NUFIP1: variants seen among roughly 807,000 people sequenced by gnomAD.
NUFIP1 encodes nuclear FMR1 interacting protein 1, also known as FMR1-interacting protein NUFIP1.
NUFIP1 carries 38 observed loss-of-function variants against 56.2 expected under a neutral mutation model. The ratio of observed to expected loss-of-function variants is 0.68; its 90% CI spans 0.52 to 0.89. The LOEUF is 0.89. Among genes scored for constraint, NUFIP1 ranks in the 40% least tolerant of loss-of-function variants. NUFIP1 has a pLI of 0.00. For missense variants in NUFIP1, 567 were observed against 605.8 expected, an observed-to-expected ratio of 0.94 and a Z score of 0.67; for synonymous variants, 215 against 212.4, an observed-to-expected ratio of 1.01 and a Z score of -0.10.
chr13:44,966,559 C>G (rs1451746406), intron 5 of NUFIP1, among the ~76,000 whole-genome samples: 2 of 152,062 alleles, frequency 1.3e-5, no homozygotes, highest in Admixed American at 1.3e-4. Flanking sequence ...AGGTGACCCA[C>G]CTGCCTCAGC....
intron 5 of NUFIP1, among the ~76,000 whole-genome samples, 170 bp downstream of exon 5, chr13:44,979,020 G>A (rs1382205847): frequency 1.3e-5 from 2 of 152,144 alleles, no homozygotes; most frequent in African/African-American, 2.4e-5. Flanking sequence ...CTTAAATGAA[G>A]AGTTCTTATT....
intron 5 of NUFIP1, among the ~76,000 whole-genome samples, chr13:44,968,935 T>C (rs1168020618): frequency 2.0e-5 from 3 of 152,074 alleles, no homozygotes; most frequent in Non-Finnish European, 4.4e-5. Context: ...AGAAACTCCT[T>C]TGATGGAAGC....
chr13:44,980,526 T>A (rs932761252), intron 3 of NUFIP1, among the ~76,000 whole-genome samples, 196 bp downstream of exon 3: 4 of 152,200 alleles, frequency 2.6e-5, no homozygotes, highest in African/African-American at 9.7e-5. Flanking sequence ...TTTGCTACCA[T>A]CTTACCTCGT....
At chr13:44,943,097 T>C (rs1593355608) in intron 9 of NUFIP1, among the ~76,000 whole-genome samples, 1 of 152,164 alleles carries the variant, frequency 6.6e-6, no homozygotes, top group Non-Finnish European at 1.5e-5. Context: ...AATAGACATT[T>C]GTACTAAAAA....
At chr13:44,952,439 A>C (rs560514449) in intron 7 of NUFIP1, among the ~76,000 whole-genome samples, 4 of 152,180 alleles carry the variant, frequency 2.6e-5, no homozygotes, top group Non-Finnish European at 5.9e-5. Flanking sequence ...CATTTTCTAT[A>C]TTACTTTTAT....
At chr13:44,982,382 T>C (rs910994542) in intron 1 of NUFIP1, among the ~76,000 whole-genome samples, 1 of 152,194 alleles carries the variant, frequency 6.6e-6, no homozygotes, top group East Asian at 1.9e-4. Context: ...ACAGAAACTT[T>C]AGGCGTCAAA....
chr13:44,954,319 G>A (rs777728518), intron 7 of NUFIP1, among the ~76,000 whole-genome samples: 2 of 151,946 alleles, frequency 1.3e-5, no homozygotes, highest in Non-Finnish European at 1.5e-5. Context: ...CACCTCTCTC[G>A]TATACACACA....
At chr13:44,966,432 A>G (rs1871604316) in intron 5 of NUFIP1, among the ~76,000 whole-genome samples, 2 of 152,120 alleles carry the variant, frequency 1.3e-5, no homozygotes, top group South Asian at 4.2e-4. Flanking sequence ...CTCCTGCCTC[A>G]GCCTCCCAAG....
chr13:44,966,968 C>T (rs1593365051), intron 5 of NUFIP1, among the ~76,000 whole-genome samples: 1 of 149,858 alleles, frequency 6.7e-6, no homozygotes, highest in East Asian at 2.0e-4. Flanking sequence ...GCAAGACTCC[C>T]CCTCAAAACA....
At chr13:44,985,190 T>C (rs1872339376) in intron 1 of NUFIP1, among the ~76,000 whole-genome samples, 1 of 152,234 alleles carries the variant, frequency 6.6e-6, no homozygotes, top group African/African-American at 2.4e-5. Context: ...AGTAGACTAA[T>C]AGCTAAAAGC....
chr13:44,974,613 G>A (rs1199396177), intron 5 of NUFIP1, among the ~76,000 whole-genome samples: 3 of 152,136 alleles, frequency 2.0e-5, no homozygotes, highest in Non-Finnish European at 4.4e-5. Flanking sequence ...GCGCAGTGGC[G>A]TAATCACAGC....
chr13:44,956,301 C>A, intron 7 of NUFIP1, among the ~76,000 whole-genome samples: 1 of 151,962 alleles, frequency 6.6e-6, no homozygotes, highest in Non-Finnish European at 1.5e-5. Flanking sequence ...TTGTCTGTAG[C>A]TATACCTGCA....
At chr13:44,963,260 C>G (rs952817043) in intron 6 of NUFIP1, among the ~76,000 whole-genome samples, 1 of 152,112 alleles carries the variant, frequency 6.6e-6, no homozygotes, top group Non-Finnish European at 1.5e-5. Context: ...TAGAATCTTG[C>G]ACATCTTTTG....
chr13:44,979,397 T>G, intron 4 of NUFIP1, 131 bp from the exon 5 acceptor site: 1 of 646,272 alleles, frequency 1.5e-6, no homozygotes, highest in Non-Finnish European at 2.6e-6. Flanking sequence ...TTGTATCTAT[T>G]TGTGTTATAA....
At chr13:44,950,608 A>G (rs1048251859) in intron 7 of NUFIP1, among the ~76,000 whole-genome samples, 2 of 152,194 alleles carry the variant, frequency 1.3e-5, no homozygotes, top group Non-Finnish European at 2.9e-5. Flanking sequence ...TTGGCCTCCC[A>G]AAGTGCTGGG....
rs1166411059 is a variant in NUFIP1 at position 44,940,218 on chromosome 13, A to G, written c.*988T>C. ...TAAACAGATCTGTATGGTGGGTACA[A>G]GGCTGGAAAACACTGGCTAAACATG... On this transcript the variant is annotated 3_prime_UTR_variant, in exon 10 of 10. Transcript: ENST00000379161. 1 of 152,140 alleles carries G rather than the reference A, an allele frequency of 6.6e-6. No individual in the cohort carries two copies. Among genetic ancestry groups the G allele is most frequent in the East Asian group, 1.9e-4 (1 of 5,190 alleles). 9.4% of individuals were successfully genotyped at this position (152,140 alleles called of 1,614,324 possible).
intron 1 of NUFIP1, among the ~76,000 whole-genome samples, chr13:44,988,810 G>A (rs910888268): frequency 2.0e-5 from 3 of 152,154 alleles, no homozygotes; most frequent in African/African-American, 7.2e-5. Context: ...TCCTGCCTCA[G>A]CCTCCCATGC....
intron 5 of NUFIP1, among the ~76,000 whole-genome samples, chr13:44,978,261 C>T (rs185390239): frequency 2.6e-4 from 39 of 152,316 alleles, no homozygotes; most frequent in Admixed American, 9.8e-4. Flanking sequence ...TCACCACCCA[C>T]GACAGTGGAT....
intron 3 of NUFIP1, 77 bp downstream of exon 3, chr13:44,980,645 C>T (rs1373181953): frequency 2.0e-6 from 2 of 981,008 alleles, no homozygotes; most frequent in Non-Finnish European, 3.1e-6. Flanking sequence ...GGAAAACAAG[C>T]TTGGCATTTC....
Sources: gnomAD v4.1 joint callset for allele counts (sites outside exome capture counted in the v4.1 genomes callset) on GRCh38, gnomAD v4.1.1 for gene constraint, MANE v1.5 for transcripts, NCBI Gene and HGNC (gene_info 2026-07-23, HGNC 2026-07-21) for gene names.